NUP54: variants seen among roughly 807,000 people sequenced by gnomAD.
NUP54 encodes the protein nucleoporin p54.
Under a neutral mutation model 66.4 loss-of-function variants are expected in NUP54, and 27 were observed. The ratio of observed to expected loss-of-function variants is 0.41; its 90% CI spans 0.30 to 0.56. NUP54 has a LOEUF of 0.56. NUP54 is among the 20% of genes least tolerant of loss of function. NUP54 has a pLI of 0.34. For synonymous variants in NUP54, 206 were observed against 210.7 expected, an observed-to-expected ratio of 0.98 and a Z score of 0.19; for missense variants, 486 against 596.3, an observed-to-expected ratio of 0.82 and a Z score of 1.93.
chr4:76,119,618 T>G (rs1388854078), intron 9 of NUP54, among the ~76,000 whole-genome samples: 1 of 151,734 alleles, frequency 6.6e-6, no homozygotes, highest in Non-Finnish European at 1.5e-5. Context: ...ACTCAAATGA[T>G]CCTTCTGCCT....
intron 1 of NUP54, chr4:76,145,754 C>T (rs1157326114): frequency 3.6e-6 from 1 of 274,566 alleles, no homozygotes; most frequent in East Asian, 1.3e-4. Flanking sequence ...TGGAATCTTC[C>T]TTTAATCTCA....
At chr4:76,125,334 A>ACGCG (rs1367192536) in intron 8 of NUP54, among the ~76,000 whole-genome samples, 4 of 145,442 alleles carry the variant, frequency 2.8e-5, no homozygotes, top group African/African-American at 9.9e-5. Flanking sequence ...ACACACACAC[A>ACGCG]CACACACACA....
chr4:76,129,151 C>T, intron 8 of NUP54, among the ~76,000 whole-genome samples: 1 of 152,064 alleles, frequency 6.6e-6, no homozygotes, highest in East Asian at 1.9e-4. Flanking sequence ...GATCATTACA[C>T]ACTATATCCA....
intron 3 of NUP54, among the ~76,000 whole-genome samples, chr4:76,139,148 A>G (rs973427508): frequency 6.6e-6 from 1 of 152,202 alleles, no homozygotes; most frequent in Non-Finnish European, 1.5e-5. Flanking sequence ...TTTCAGTGTG[A>G]TAGGGAGGAA....
rs1560686669 is a variant in NUP54 at position 76,134,329 on chromosome 4, C to T, written c.556G>A (p.Asp186Asn). 6.2e-7 allele frequency: 1 copy of T among 1,613,654 alleles called. No homozygotes were observed. The highest frequency in any genetic ancestry group is 8.5e-7 in the Non-Finnish European group (1 of 1,179,854). ...VGYSCMPSNK[D>N]EDGLVVLVFN... ...ACTAAAACCACTAGCCCATCTTCAT[C>T]TTTATTACTGGGCATGCAACTATAA... is the stretch of plus-strand genomic sequence containing the variant. Residue 186 changes from aspartate (D) to asparagine (N), a missense_variant, in exon 5 of 12, where the codon GAT (aspartate) becomes AAT (asparagine). Physicochemically the swap from Asp to Asn is conservative, Grantham distance 23. Transcript: ENST00000264883.
intron 1 of NUP54, chr4:76,145,544 A>G (rs565746422): frequency 1.6e-6 from 2 of 1,263,880 alleles, no homozygotes; most frequent in South Asian, 2.6e-5. Flanking sequence ...GAAGCATACC[A>G]ATATACTTAC....
intron 3 of NUP54, among the ~76,000 whole-genome samples, chr4:76,137,635 G>A (rs62300616): frequency 1.3e-5 from 2 of 151,692 alleles, no homozygotes; most frequent in African/African-American, 4.8e-5. Context: ...TGTAACTTTG[G>A]GCAAATCAAC....
rs1286459639 is a variant in NUP54, at chr4:76,118,288, G to GA, written c.1165-95dup. 13 of 1,196,398 alleles carry GA rather than the reference G, an allele frequency of 1.1e-5. No homozygotes were observed. In the African/African-American group the frequency reaches 1.9e-4, roughly 18 times the overall value. The allele number at this position is 1,196,398 out of a possible 1,614,324, so 74.1% of individuals were successfully genotyped here. A position where few individuals can be genotyped will look rare whatever the true frequency, so the allele number is the denominator to read the frequency against. On this transcript the variant is annotated intron_variant, in intron 9 of 11. Coordinates refer to ENST00000264883, the MANE Select transcript of NUP54 (RefSeq NM_017426.4). Reference sequence around the variant, plus strand: ...AATTAGTTACTGAAAGAAATCAGCTGAAAATCAAACAACAGTAGGGTTCAA... The same window carrying GA: ...AATTAGTTACTGAAAGAAATCAGCTGAAAAATCAAACAACAGTAGGGTTCAA...
intron 11 of NUP54, among the ~76,000 whole-genome samples, chr4:76,115,929 ACTC>A (rs776889443): frequency 2.1e-4 from 32 of 151,920 alleles, no homozygotes; most frequent in African/African-American, 7.5e-4. Flanking sequence ...TTTTTTTAAG[ACTC>A]CTCCTCATGG....
chr4:76,142,790 CAATAA>C (rs1238295883), intron 3 of NUP54, among the ~76,000 whole-genome samples: 2 of 151,898 alleles, frequency 1.3e-5, no homozygotes, highest in Non-Finnish European at 2.9e-5. Context: ...ATTTAAGCAT[CAATAA>C]GAATGGTAAC....
At chr4:76,127,432 CAAAAAAA>C (rs59383944) in intron 8 of NUP54, among the ~76,000 whole-genome samples, 1 of 54,786 alleles carries the variant, frequency 1.8e-5, no homozygotes, top group Non-Finnish European at 3.5e-5. Context: ...ACCCCCATCT[CAAAAAAA>C]AAAAAAAAAA....
At position 76,115,166 on chromosome 4, in the gene NUP54, T is replaced by C. The variant is rs1045706424; in HGVS notation, c.*200A>G. On this transcript the variant is annotated 3_prime_UTR_variant, in exon 12 of 12. Coordinates refer to ENST00000264883, the MANE Select transcript of NUP54 (RefSeq NM_017426.4). ...TAAATACAGCTTTTAGATATAAATC[T>C]TTCAAAGGTTTTCTTTGAAGAGCTG... The C allele has an allele frequency of 1.4e-5, 6 of 424,214 alleles. No individual in the cohort carries two copies. The highest frequency in any genetic ancestry group is 2.4e-5 in the Non-Finnish European group (6 of 246,020). 26.3% of individuals were successfully genotyped at this position (424,214 alleles called of 1,614,324 possible). A position where few individuals can be genotyped will look rare whatever the true frequency, so the allele number is the denominator to read the frequency against.
chr4:76,115,480 T>C lies in NUP54; in HGVS notation c.1410A>G (p.Gln470=), dbSNP rs1729911098. ...TAATCAAATGGCTAAGGCCTTCCTG[T>C]TGTTGTTTCAAATGCTAGAACAAAT... ...LREIKQHLKQ[Q]QEGLSHLISI... The change falls in exon 12 of 12, where the codon CAA becomes CAG. Residue 470 remains glutamine, a synonymous_variant. Coordinates refer to ENST00000264883, the MANE Select transcript of NUP54 (RefSeq NM_017426.4). 6.2e-7 allele frequency: 1 copy of C among 1,602,390 alleles called. No individual in the cohort carries two copies. Among genetic ancestry groups the C allele is most frequent in the Admixed American group, 1.7e-5 (1 of 57,180 alleles).
chr4:76,123,768 C>T (rs1730340000), intron 9 of NUP54, among the ~76,000 whole-genome samples: 2 of 152,170 alleles, frequency 1.3e-5, no homozygotes, highest in South Asian at 4.2e-4. Context: ...CTCACCTCGG[C>T]CTCCCAAAGT....
At chr4:76,121,999 G>C (rs1279521402) in intron 9 of NUP54, among the ~76,000 whole-genome samples, 1 of 152,148 alleles carries the variant, frequency 6.6e-6, no homozygotes, top group Non-Finnish European at 1.5e-5. Flanking sequence ...AACAAATAAT[G>C]ATGATAATAT....
chr4:76,144,797 T>G (rs1423945420), intron 1 of NUP54, among the ~76,000 whole-genome samples: 2 of 152,170 alleles, frequency 1.3e-5, no homozygotes, highest in Non-Finnish European at 2.9e-5. Context: ...TGTATGTACT[T>G]TTAGAGGAGG....
At chr4:76,146,003 TTTC>T (rs1219866436) in intron 1 of NUP54, 3 of 368,578 alleles carry the variant, frequency 8.1e-6, no homozygotes, top group African/African-American at 6.4e-5. Flanking sequence ...ACTGTTGTAA[TTTC>T]TTTTCATTAT....
chr4:76,118,573 T>TGGGGTG (rs1359751331), intron 9 of NUP54: 1 of 39,466 alleles, frequency 2.5e-5, no homozygotes, highest in African/African-American at 1.4e-4. Context: ...TGTGGCGGGG[T>TGGGGTG]GGGGGGGGGG....
chr4:76,136,299 T>C lies in NUP54; in HGVS notation c.409A>G (p.Ile137Val). Residue 137 changes from isoleucine (I) to valine (V), a missense_variant, in exon 4 of 12, where the codon ATT becomes GTT. Transcript: ENST00000264883. ...TGCAGTTGATTCCATTTTGCCAAAA[T>C]AGCATCTCTCTCATCTCCCAACAGC... ...PTLLGDERDAILAKWNQLQAF... is the reference protein window; with the variant it reads ...PTLLGDERDAVLAKWNQLQAF... The C allele has an allele frequency of 6.2e-7, 1 of 1,614,096 alleles. No homozygotes were observed. The highest frequency in any genetic ancestry group is 8.5e-7 in the Non-Finnish European group (1 of 1,179,996).
Sources: gnomAD v4.1 joint callset for allele counts (sites outside exome capture counted in the v4.1 genomes callset) on GRCh38, gnomAD v4.1.1 for gene constraint, MANE v1.5 for transcripts, NCBI Gene and HGNC (gene_info 2026-07-23, HGNC 2026-07-21) for gene names.